The following NCOA3 variants were observed in gnomAD, a reference collection of about 807,000 sequenced individuals.
NCOA3 encodes nuclear receptor coactivator 3.
In NCOA3, 51 loss-of-function variants were observed where a neutral mutation model predicts 158.8. That is an observed-to-expected ratio of 0.32 (90% CI 0.26 to 0.41). The LOEUF is 0.41. Among genes scored for constraint, NCOA3 ranks in the 10% least tolerant of loss-of-function variants. NCOA3 has a pLI of 1.00. For missense variants in NCOA3, 1,510 were observed against 1,746.6 expected, an observed-to-expected ratio of 0.86 and a Z score of 2.41; for synonymous variants, 537 against 592.4, an observed-to-expected ratio of 0.91 and a Z score of 1.36.
rs1015164669 is a variant in NCOA3 at position 47,610,394 on chromosome 20, GT to G, written c.-19-11829del. Among the ~76,000 whole-genome samples the G allele has an allele frequency of 3.9e-5, 6 of 152,104 alleles. 1 individual carries two copies. Among genetic ancestry groups the G allele is most frequent in the Middle Eastern group, 6.8e-3 (2 of 294 alleles). ...GCTGCCATGCCCAGCTAATTTTTGT[GT>G]TTTTTGCAGAGACAGAATCTCACTA... On this transcript the variant is annotated intron_variant, in intron 2 of 22. Transcript: ENST00000371998.
intron 2 of NCOA3, among the ~76,000 whole-genome samples, chr20:47,595,233 G>C (rs965414181): frequency 3.6e-4 from 55 of 151,932 alleles, no homozygotes; most frequent in Admixed American, 3.3e-3. Context: ...TGAGTAGCTG[G>C]GACTACAGGC....
intron 2 of NCOA3, among the ~76,000 whole-genome samples, chr20:47,610,768 T>C (rs1291709385): frequency 6.6e-6 from 1 of 152,224 alleles, no homozygotes; most frequent in Admixed American, 6.5e-5. Flanking sequence ...ATCTTTTCTT[T>C]GAAAAATCAA....
chr20:47,526,802 A>G (rs1263960064), intron 1 of NCOA3, among the ~76,000 whole-genome samples: 1 of 151,696 alleles, frequency 6.6e-6, no homozygotes, highest in East Asian at 1.9e-4. Context: ...GGGAGGGGAG[A>G]GGGAGAATTT....
chr20:47,653,165 AT>A, intron 22 of NCOA3, 93 bp downstream of exon 22: 1 of 1,423,794 alleles, frequency 7.0e-7, no homozygotes. Context: ...TCCTAGGTAT[AT>A]TTTAACTTGA....
chr20:47,652,273 C>G, intron 20 of NCOA3, 133 bp from the exon 21 acceptor site: 6 of 643,966 alleles, frequency 9.3e-6, no homozygotes, highest in Non-Finnish European at 1.6e-5. Context: ...TCTTATAGCA[C>G]TCTGTATCTT....
In NCOA3 at chr20:47,618,370, T is replaced by TTTTTTTA. The variant is rs1555811916; in HGVS notation, c.-19-3859_-19-3858insTTTTTTA. ...TTAGTTTTTTTTTTTTTTTTTTTTTTATAGACAGAATTCACTCTTGCTGCC... is the reference window on the plus strand; with the variant it reads ...TTAGTTTTTTTTTTTTTTTTTTTTTTTTTTTTAATAGACAGAATTCACTCTTGCTGCC... On this transcript the variant is annotated intron_variant, in intron 2 of 22. Coordinates refer to ENST00000371998, the MANE Select transcript of NCOA3 (RefSeq NM_181659.3). Among the ~76,000 whole-genome samples the TTTTTTTA allele has an allele frequency of 7.7e-5, 11 of 142,170 alleles. 1 individual carries two copies. The highest frequency in any genetic ancestry group is 1.4e-4 in the African/African-American group (5 of 36,712). The allele number at this position is 142,170 out of a possible 152,430, so 93.3% of individuals were successfully genotyped here. A position where few individuals can be genotyped will look rare whatever the true frequency, so the allele number is the denominator to read the frequency against.
chr20:47,552,973 A>G (rs532266056), intron 1 of NCOA3, among the ~76,000 whole-genome samples: 1 of 149,884 alleles, frequency 6.7e-6, no homozygotes, highest in South Asian at 2.1e-4. Flanking sequence ...TCTGTCACCC[A>G]GGCTGGATGG....
chr20:47,583,526 T>G (rs1320034290), intron 2 of NCOA3, among the ~76,000 whole-genome samples: 1 of 152,182 alleles, frequency 6.6e-6, no homozygotes, highest in African/African-American at 2.4e-5. Context: ...CCCCCCAAAC[T>G]TAACTACTAA....
intron 8 of NCOA3, among the ~76,000 whole-genome samples, chr20:47,629,687 A>G (rs1423650348): frequency 6.6e-6 from 1 of 152,192 alleles, no homozygotes; most frequent in East Asian, 1.9e-4. Flanking sequence ...AGATAAACAT[A>G]GTGACAGCAA....
Position 47,652,393 on chromosome 20 carries a change from T to C in NCOA3, c.3947-13T>C, listed in dbSNP as rs1269806400. The C allele has an allele frequency of 1.3e-6, 2 of 1,581,898 alleles. No homozygotes were observed. Among genetic ancestry groups the C allele is most frequent in the Non-Finnish European group, 1.7e-6 (2 of 1,154,250 alleles). ...TTTGGGCATTTTTATTTCTTCTGTT[T>C]TATTTTTGTAAGGAATGGGACAACA... On this transcript the variant is annotated splice_polypyrimidine_tract_variant and intron_variant, in intron 20 of 22. Transcript: ENST00000371998.
Position 47,633,507 on chromosome 20 carries a change from A to G in NCOA3, c.835A>G (p.Asn279Asp), listed in dbSNP as rs747774191. 3.1e-6 allele frequency: 5 copies of G among 1,609,838 alleles called. No individual in the cohort carries two copies. The South Asian group carries it at 5.6e-5, about 18-fold the overall frequency. The change falls in exon 9 of 23, where the codon AAT becomes GAT. Residue 279 changes from asparagine (N) to aspartate (D), a missense_variant. Transcript: ENST00000371998. ...TTTTTGTTTAATAGGAAAGGTTGTC[A>G]ATATAGATACAAATTCACTGAGATC... The part of the protein sequence containing the change: ...TRHDLSGKVV[N>D]IDTNSLRSSM...
rs1193277936 is a variant in NCOA3 at position 47,653,420 on chromosome 20, TC to T, written c.*4del. 1 of 1,384,360 alleles carries T rather than the reference TC, an allele frequency of 7.2e-7. No individual in the cohort carries two copies. The highest frequency in any genetic ancestry group is 1.4e-5 in the African/African-American group (1 of 70,292). 85.8% of individuals were successfully genotyped at this position (1,384,360 alleles called of 1,614,324 possible). ...GTTGCTGACAGAAATACTGCTGACA[TC>T]TCTGCACCAGGACCTCTTAAGGAAA... On this transcript the variant is annotated 3_prime_UTR_variant, in exon 23 of 23. Transcript: ENST00000371998.
At position 47,535,499 on chromosome 20, in the gene NCOA3, G is replaced by A. The variant is rs142534655; in HGVS notation, c.-99+33480G>A. On this transcript the variant is annotated intron_variant, in intron 1 of 22. Transcript: ENST00000371998. ...GATCACACACGGACTTGGAGAATGA[G>A]TGCAAGGTTTTTTTGCTTTTTTTTT... 1.9e-4 allele frequency among the ~76,000 whole-genome samples: 29 copies of A among 151,748 alleles called. No homozygotes were observed. The East Asian group carries it at 5.3e-3, about 28-fold the overall frequency.
chr20:47,528,467 A>G (rs1227625387), intron 1 of NCOA3, among the ~76,000 whole-genome samples: 1 of 152,216 alleles, frequency 6.6e-6, no homozygotes, highest in Admixed American at 6.5e-5. Flanking sequence ...ATAAAAAAAC[A>G]CTTAATCTTG....
At chr20:47,623,715 G>C (rs2086277147) in intron 3 of NCOA3, among the ~76,000 whole-genome samples, 196 bp from the exon 4 acceptor site, 1 of 152,070 alleles carries the variant, frequency 6.6e-6, no homozygotes, top group African/African-American at 2.4e-5. Flanking sequence ...CTGAATCCTG[G>C]AGGTGGAGGT....
chr20:47,640,177 C>T (rs2086580827), intron 16 of NCOA3, 126 bp downstream of exon 16: 1 of 1,276,436 alleles, frequency 7.8e-7, no homozygotes, highest in East Asian at 2.4e-5. Flanking sequence ...GGGTTGCCAG[C>T]TGGGCATTTC....
intron 1 of NCOA3, among the ~76,000 whole-genome samples, chr20:47,522,965 C>T (rs1254328225): frequency 2.0e-5 from 3 of 151,070 alleles, no homozygotes; most frequent in African/African-American, 7.3e-5. Flanking sequence ...CCGAGGTGGG[C>T]GGATCACGAG....
At chr20:47,591,207 A>C (rs139776889) in intron 2 of NCOA3, among the ~76,000 whole-genome samples, 55 of 152,372 alleles carry the variant, frequency 3.6e-4, no homozygotes, top group African/African-American at 1.2e-3. Flanking sequence ...AGTCCTATGC[A>C]GTTAATTCTG....
intron 1 of NCOA3, among the ~76,000 whole-genome samples, chr20:47,546,593 G>A (rs924726651): frequency 1.3e-5 from 2 of 148,976 alleles, no homozygotes; most frequent in African/African-American, 5.0e-5. Flanking sequence ...GTGCAGTGGC[G>A]CAGTCTTGGC....
Sources: gnomAD v4.1 joint callset for allele counts (sites outside exome capture counted in the v4.1 genomes callset) on GRCh38, gnomAD v4.1.1 for gene constraint, MANE v1.5 for transcripts, NCBI Gene and HGNC (gene_info 2026-07-23, HGNC 2026-07-21) for gene names.